Variants in PCDH19 observed in about 807,000 individuals in gnomAD.
PCDH19 encodes the protein protocadherin 19.
Under a neutral mutation model 46.2 loss-of-function variants are expected in PCDH19, and 6 were observed. The observed-to-expected ratio is 0.13, with a 90% CI of 0.07 to 0.26. The LOEUF is 0.26. Ranked by LOEUF, PCDH19 falls within the 10% of genes least tolerant of loss-of-function variation. The pLI is 1.00. For missense variants in PCDH19, 740 were observed against 972.3 expected, an observed-to-expected ratio of 0.76 and a Z score of 3.18; for synonymous variants, 481 against 415.7, an observed-to-expected ratio of 1.16 and a Z score of -1.91.
intron 5 of PCDH19, among the ~76,000 whole-genome samples, chrX:100,340,086 A>G (rs576730820): frequency 6.3e-5 from 7 of 111,720 alleles, no homozygotes; most frequent in African/African-American, 1.9e-4. Context: ...CTCTACCTAT[A>G]TGGAGACTGG....
At chrX:100,311,241 T>A (rs918812894) in intron 5 of PCDH19, among the ~76,000 whole-genome samples, 16 of 111,599 alleles carry the variant, frequency 1.4e-4, no homozygotes, top group Non-Finnish European at 2.8e-4. Context: ...TGCTAGCAGA[T>A]CATCAGCTTG....
At chrX:100,318,788 C>A (rs5966692) in intron 5 of PCDH19, among the ~76,000 whole-genome samples, 1 of 109,318 alleles carries the variant, frequency 9.1e-6, no homozygotes, top group Admixed American at 9.8e-5. Context: ...AAGGAGAATA[C>A]TGGATGCCTA....
intron 5 of PCDH19, among the ~76,000 whole-genome samples, chrX:100,333,157 GGAAGGAAGGA>G (rs1324134841): frequency 2.0e-4 from 11 of 55,554 alleles, no homozygotes; most frequent in East Asian, 1.7e-3. Flanking sequence ...AAGGAAGGAA[GGAAGGAAGGA>G]AGGAAGGGAG....
chrX:100,318,972 G>A (rs1349617415), intron 5 of PCDH19, among the ~76,000 whole-genome samples: 1 of 101,332 alleles, frequency 9.9e-6, no homozygotes, highest in Non-Finnish European at 2.0e-5. Flanking sequence ...TGTTGCAGTA[G>A]ATCTCATCAT....
chrX:100,296,769 C>T lies in PCDH19; in HGVS notation c.2955G>A (p.Glu985=). The T allele has an allele frequency of 8.3e-7, 1 of 1,211,638 alleles. No homozygotes were observed. Among genetic ancestry groups the T allele is most frequent in the South Asian group, 1.8e-5 (1 of 56,953 alleles). The change falls in exon 6 of 6, where the codon GAG becomes GAA. Residue 985 remains glutamate, a synonymous_variant. Coordinates refer to ENST00000373034, the MANE Select transcript of PCDH19 (RefSeq NM_001184880.2). ...NPMPIRSKSP[E]HVRNIIALSI... ...ACAGCGCGATGATGTTCCTCACATGCTCAGGGGACTTGGAACGGATGGGCA... is the reference window on the plus strand; with the variant it reads ...ACAGCGCGATGATGTTCCTCACATGTTCAGGGGACTTGGAACGGATGGGCA...
chrX:100,389,846 C>T (rs1009858052), intron 3 of PCDH19, among the ~76,000 whole-genome samples: 48 of 111,463 alleles, frequency 4.3e-4, no homozygotes, highest in Non-Finnish European at 8.1e-4. Context: ...TGGTATTTTT[C>T]TTTGTGCTCA....
intron 3 of PCDH19, among the ~76,000 whole-genome samples, chrX:100,360,054 A>G (rs917385535): frequency 1.8e-5 from 2 of 111,950 alleles, no homozygotes; most frequent in East Asian, 2.8e-4. Flanking sequence ...TACAATTTCT[A>G]TTGAGTAAGC....
intron 3 of PCDH19, among the ~76,000 whole-genome samples, chrX:100,387,452 G>C (rs928793228): frequency 9.0e-6 from 1 of 111,448 alleles, no homozygotes; most frequent in Non-Finnish European, 1.9e-5. Flanking sequence ...CTTCAGAGCC[G>C]AGAAGCAAGA....
intron 5 of PCDH19, among the ~76,000 whole-genome samples, chrX:100,302,225 A>T (rs1473799457): frequency 1.8e-5 from 2 of 112,091 alleles, no homozygotes; most frequent in Non-Finnish European, 3.8e-5. Context: ...TTCTTTAATA[A>T]GAAGAAAAAT....
Position 100,410,007 on chromosome X carries a change from T to A in PCDH19, c.-1410A>T, listed in dbSNP as rs188374496. 13 of 293,104 alleles carry A rather than the reference T, an allele frequency of 4.4e-5. No homozygotes were observed. Among genetic ancestry groups the A allele is most frequent in the African/African-American group, 3.4e-4 (12 of 35,506 alleles). The allele number at this position is 293,104 out of a possible 1,213,427, so 24.2% of individuals were successfully genotyped here. A position where few individuals can be genotyped will look rare whatever the true frequency, so the allele number is the denominator to read the frequency against. On this transcript the variant is annotated 5_prime_UTR_variant, in exon 1 of 6. Coordinates refer to ENST00000373034, the MANE Select transcript of PCDH19 (RefSeq NM_001184880.2). ...GAGTGAGTGTGTGGTGTGGGGAGTG[T>A]GAGTGTGGAGTATGAGCAAGCAGGA...
At chrX:100,347,257 C>G (rs1479052193) in intron 4 of PCDH19, among the ~76,000 whole-genome samples, 1 of 111,025 alleles carries the variant, frequency 9.0e-6, no homozygotes, top group Admixed American at 9.6e-5. Context: ...AGCGGGAGAT[C>G]AGAGCAGGGG....
chrX:100,312,644 A>C (rs1161256847), intron 5 of PCDH19, among the ~76,000 whole-genome samples: 1 of 111,584 alleles, frequency 9.0e-6, no homozygotes, highest in Non-Finnish European at 1.9e-5. Context: ...ATTTGAAGGC[A>C]CCCTATGCTT....
chrX:100,340,624 C>T (rs1403133634), intron 5 of PCDH19, among the ~76,000 whole-genome samples: 1 of 111,482 alleles, frequency 9.0e-6, no homozygotes, highest in Non-Finnish European at 1.9e-5. Context: ...CACCACTCAC[C>T]AATTAGGGAA....
At chrX:100,364,881 C>T (rs1051974374) in intron 3 of PCDH19, among the ~76,000 whole-genome samples, 3 of 112,113 alleles carry the variant, frequency 2.7e-5, no homozygotes, top group African/African-American at 6.5e-5. Context: ...TCAACATTTC[C>T]CAAGAACTTA....
intron 5 of PCDH19, 113 bp downstream of exon 5, chrX:100,341,790 G>T: frequency 4.6e-6 from 3 of 657,270 alleles, no homozygotes; most frequent in Non-Finnish European, 7.3e-6. Flanking sequence ...TGAGGTGTGA[G>T]CTCTGTAGAC....
chrX:100,409,674 C>T lies in PCDH19; in HGVS notation c.-1077G>A. ...GCCGCCGTGGGTACCGGGTGCTTCT[C>T]TTCTCTCCGTTTGGGCTGGGGTGTC... On this transcript the variant is annotated 5_prime_UTR_variant, in exon 1 of 6. Coordinates refer to ENST00000373034, the MANE Select transcript of PCDH19 (RefSeq NM_001184880.2). 1 of 226,544 alleles carries T rather than the reference C, an allele frequency of 4.4e-6. No homozygotes were observed. Among genetic ancestry groups the T allele is most frequent in the Non-Finnish European group, 7.7e-6 (1 of 129,271 alleles). 18.7% of individuals were successfully genotyped at this position (226,544 alleles called of 1,213,427 possible). A position where few individuals can be genotyped will look rare whatever the true frequency, so the allele number is the denominator to read the frequency against.
chrX:100,373,236 T>C (rs374832233), intron 3 of PCDH19, among the ~76,000 whole-genome samples: 162 of 112,999 alleles, frequency 1.4e-3, no homozygotes, highest in African/African-American at 5.0e-3. Context: ...CTCGATCTCT[T>C]GACCTTGTGA....
intron 5 of PCDH19, among the ~76,000 whole-genome samples, chrX:100,330,474 A>G (rs1204994170): frequency 3.5e-5 from 4 of 112,686 alleles, no homozygotes; most frequent in Non-Finnish European, 7.5e-5. Flanking sequence ...TTGCAAACCC[A>G]TGACTTGGAA....
At chrX:100,379,345 A>AC (rs1927480687) in intron 3 of PCDH19, among the ~76,000 whole-genome samples, 1 of 2,733 alleles carries the variant, frequency 3.7e-4, no homozygotes, top group Admixed American at 6.1e-3. Flanking sequence ...ACACACACAC[A>AC]CACATTTCCT....
Sources: gnomAD v4.1 joint callset for allele counts (sites outside exome capture counted in the v4.1 genomes callset) on GRCh38, gnomAD v4.1.1 for gene constraint, MANE v1.5 for transcripts, NCBI Gene and HGNC (gene_info 2026-07-23, HGNC 2026-07-21) for gene names.